UPB1: variants seen among roughly 807,000 people sequenced by gnomAD.
UPB1 encodes beta-ureidopropionase 1.
UPB1 carries 40 observed loss-of-function variants against 49.1 expected under a neutral mutation model. The observed-to-expected ratio is 0.81, with a 90% CI of 0.63 to 1.06. The LOEUF (loss-of-function observed/expected upper bound fraction) is 1.06, where lower values mean the gene tolerates loss of function less well. Ranked by LOEUF, UPB1 falls within the 50% of genes least tolerant of loss-of-function variation. UPB1 has a pLI of 0.00. For synonymous variants in UPB1, 207 were observed against 198.2 expected (o/e 1.04, Z -0.38); for missense variants, 499 against 505.9 (o/e 0.99, Z 0.13).
intron 1 of UPB1, among the ~76,000 whole-genome samples, chr22:24,497,862 G>A (rs1601474187): frequency 6.6e-6 from 1 of 152,194 alleles, no homozygotes; most frequent in African/African-American, 2.4e-5. Context: ...AAAGGTCTGT[G>A]GGCCTGGTAG....
Position 24,510,739 on chromosome 22 carries a change from C to T in UPB1, c.365-10C>T, listed in dbSNP as rs533029363. 1 of 1,613,948 alleles carries T rather than the reference C, an allele frequency of 6.2e-7. No individual in the cohort carries two copies. Among genetic ancestry groups the T allele is most frequent in the African/African-American group, 1.3e-5 (1 of 75,050 alleles). ...GTTGGATATAATTCTGCCCTTTCTC[C>T]TATTTATAGCTATGCCCTTTGCCTT... is the stretch of plus-strand genomic sequence containing the variant. On this transcript the variant is annotated splice_polypyrimidine_tract_variant and intron_variant, in intron 3 of 9. Transcript: ENST00000326010.
intron 3 of UPB1, chr22:24,502,547 A>G (rs2044013163): frequency 1.3e-6 from 1 of 778,658 alleles, no homozygotes; most frequent in Non-Finnish European, 2.4e-6. Context: ...GGACTTCTTT[A>G]CCTTCAGATC....
intron 6 of UPB1, among the ~76,000 whole-genome samples, chr22:24,518,639 A>T (rs1334590305): frequency 6.6e-6 from 1 of 152,252 alleles, no homozygotes; most frequent in African/African-American, 2.4e-5. Flanking sequence ...ACACATGTGC[A>T]TGCACACACA....
intron 7 of UPB1, among the ~76,000 whole-genome samples, chr22:24,521,003 C>CA (rs1301727342): frequency 6.6e-6 from 1 of 151,494 alleles, no homozygotes; most frequent in African/African-American, 2.4e-5. Flanking sequence ...GCCAGTGTGG[C>CA]AAAACCCTGT....
chr22:24,501,032 A>G (rs1167011653), intron 2 of UPB1, among the ~76,000 whole-genome samples: 1 of 152,188 alleles, frequency 6.6e-6, no homozygotes, highest in East Asian at 1.9e-4. Flanking sequence ...GGATTCACAG[A>G]TGTCTGGTTC....
At chr22:24,507,261 C>T (rs1754163547) in intron 3 of UPB1, among the ~76,000 whole-genome samples, 1 of 152,174 alleles carries the variant, frequency 6.6e-6, no homozygotes. Flanking sequence ...TGTTGGCTTC[C>T]TTAAAATAAT....
chr22:24,505,833 C>G (rs1479256508), intron 3 of UPB1, among the ~76,000 whole-genome samples: 1 of 151,480 alleles, frequency 6.6e-6, no homozygotes, highest in Non-Finnish European at 1.5e-5. Context: ...CTGCCTCAGC[C>G]TCCTGAGTAG....
rs773213215 is a variant in UPB1 at position 24,500,261 on chromosome 22, G to C, written c.259G>C (p.Ala87Pro). Residue 87 changes from alanine (A) to proline (P), a missense_variant, in exon 2 of 10, where the codon GCC (alanine) becomes CCC (proline). Coordinates refer to ENST00000326010, the MANE Select transcript of UPB1 (RefSeq NM_016327.3). The part of the protein sequence containing the change: ...VQNRIPLPAN[A>P]PVAEQVSALH... ...GAACAGAATCCCCCTCCCCGCAAAT[G>C]CCCCTGTGGCAGAACAGGTGCAGAC... The C allele has an allele frequency of 6.2e-7, 1 of 1,614,046 alleles. No homozygotes were observed. The highest frequency in any genetic ancestry group is 8.5e-7 in the Non-Finnish European group (1 of 1,180,048).
At chr22:24,506,568 A>G (rs1167547149) in intron 3 of UPB1, among the ~76,000 whole-genome samples, 2 of 152,176 alleles carry the variant, frequency 1.3e-5, no homozygotes, top group East Asian at 3.8e-4. Context: ...CTTTGCATGA[A>G]CATTGCTTTC....
chr22:24,497,298 G>T (rs2043909756), intron 1 of UPB1, among the ~76,000 whole-genome samples: 1 of 152,200 alleles, frequency 6.6e-6, no homozygotes, highest in African/African-American at 2.4e-5. Flanking sequence ...CTAGGGGTGG[G>T]GTAGAAAGGG....
chr22:24,512,756 T>C (rs2044228450), intron 4 of UPB1, among the ~76,000 whole-genome samples: 1 of 152,210 alleles, frequency 6.6e-6, no homozygotes, highest in African/African-American at 2.4e-5. Context: ...TTGACTACTC[T>C]AGATACCTTA....
In UPB1 at chr22:24,526,836, A is replaced by G. The variant is rs2044486046; in HGVS notation, c.*1042A>G. ...TGTGCGAGACTAGCCATCAGCCATC[A>G]GTTTGTGCCCAGAGTTCCAGCCTGC... is the stretch of plus-strand genomic sequence containing the variant. On this transcript the variant is annotated 3_prime_UTR_variant, in exon 10 of 10. Coordinates refer to ENST00000326010, the MANE Select transcript of UPB1 (RefSeq NM_016327.3). 6.6e-6 allele frequency: 1 copy of G among 152,180 alleles called. No individual in the cohort carries two copies. The highest frequency in any genetic ancestry group is 2.1e-4 in the South Asian group (1 of 4,828). The allele number at this position is 152,180 out of a possible 1,614,324, so 9.4% of individuals were successfully genotyped here.
At chr22:24,524,352 T>C (rs1017006830) in intron 9 of UPB1, among the ~76,000 whole-genome samples, 1 of 152,202 alleles carries the variant, frequency 6.6e-6, no homozygotes, top group Non-Finnish European at 1.5e-5. Context: ...TGCCCTGTGA[T>C]GTCAGGAGTC....
chr22:24,508,723 C>CA (rs531125231), intron 3 of UPB1, among the ~76,000 whole-genome samples: 38 of 149,924 alleles, frequency 2.5e-4, no homozygotes, highest in African/African-American at 3.7e-4. Flanking sequence ...ACTAAAAATA[C>CA]AAAAAAAATT....
chr22:24,508,441 CCCAGCTACTTGGGAGGCTGAGG>C (rs1217642002), intron 3 of UPB1, among the ~76,000 whole-genome samples: 1 of 151,640 alleles, frequency 6.6e-6, no homozygotes, highest in African/African-American at 2.4e-5. Context: ...CACCTGTAAT[CCCAGCTACTTGGGAGGCTGAGG>C]CAGGAGAATC....
chr22:24,521,435 A>G (rs2044391747), intron 7 of UPB1, among the ~76,000 whole-genome samples: 1 of 152,142 alleles, frequency 6.6e-6, no homozygotes, highest in African/African-American at 2.4e-5. Context: ...CGGTCGCATC[A>G]TTGCACTCCA....
chr22:24,513,548 T>C, intron 5 of UPB1, 63 bp downstream of exon 5: 1 of 1,570,582 alleles, frequency 6.4e-7, no homozygotes, highest in Non-Finnish European at 8.6e-7. Flanking sequence ...GTTGTAGATC[T>C]CTGTGGGACT....
intron 8 of UPB1, 72 bp downstream of exon 8, chr22:24,522,100 C>G: frequency 2.6e-6 from 4 of 1,560,968 alleles, no homozygotes; most frequent in Non-Finnish European, 2.6e-6. Context: ...TCTGCTTCCT[C>G]CAGTCAGGAT....
intron 4 of UPB1, among the ~76,000 whole-genome samples, chr22:24,511,429 G>A (rs2044199682): frequency 6.6e-6 from 1 of 151,844 alleles, no homozygotes; most frequent in African/African-American, 2.4e-5. Context: ...TTCCGTTTAG[G>A]GTGATGAAAA....
Sources: gnomAD v4.1 joint callset for allele counts (sites outside exome capture counted in the v4.1 genomes callset) on GRCh38, gnomAD v4.1.1 for gene constraint, MANE v1.5 for transcripts, NCBI Gene and HGNC (gene_info 2026-07-23, HGNC 2026-07-21) for gene names.